Variants in PPL observed in about 807,000 individuals in gnomAD.
PPL encodes the protein periplakin.
Under a neutral mutation model 194.4 loss-of-function variants are expected in PPL, and 198 were observed. The ratio of observed to expected loss-of-function variants is 1.02; its 90% CI spans 0.91 to 1.15. The LOEUF (loss-of-function observed/expected upper bound fraction) is 1.15, where lower values mean the gene tolerates loss of function less well. PPL is among the 50% of genes most tolerant of loss of function. The pLI, the probability that PPL is intolerant of heterozygous loss-of-function variation, is 0.00. For missense variants in PPL, 2,885 were observed against 2,294.8 expected (o/e 1.26, Z -5.25); for synonymous variants, 1,220 against 972.4 (o/e 1.25, Z -4.74).
Position 4,885,700 on chromosome 16 carries a change from G to T in PPL, c.2955C>A (p.Thr985=), listed in dbSNP as rs768419804. 4.3e-6 allele frequency: 7 copies of T among 1,612,944 alleles called. No individual in the cohort carries two copies. Among genetic ancestry groups the T allele is most frequent in the Non-Finnish European group, 5.1e-6 (6 of 1,179,888 alleles). ...QLQLRALEQE[T]RDGGQEYVVK... is the part of the protein sequence containing the mutation. Reference sequence around the variant, plus strand: ...CCACGTACTCCTGCCCCCCGTCTCTGGTCTCCTGCTCCAGGGCACGCAGCT... The same window carrying T: ...CCACGTACTCCTGCCCCCCGTCTCTTGTCTCCTGCTCCAGGGCACGCAGCT... Residue 985 remains threonine, a synonymous_variant, in exon 22 of 22, where the codon ACC becomes ACA. Transcript: ENST00000345988. The surrounding 1 kb of genome is among the most constrained non-coding windows in gnomAD (Gnocchi z 6.3).
intron 1 of PPL, among the ~76,000 whole-genome samples, chr16:4,920,979 T>C (rs545289156): frequency 1.2e-4 from 19 of 152,212 alleles, no homozygotes; most frequent in Middle Eastern, 3.4e-3. Context: ...CAGAACTTGG[T>C]TGGCAGCAGA....
At position 4,884,104 on chromosome 16, in the gene PPL, C is replaced by G; in HGVS notation, c.4551G>C (p.Gln1517His). The G allele has an allele frequency of 6.2e-7, 1 of 1,613,402 alleles. No individual in the cohort carries two copies. Among genetic ancestry groups the G allele is most frequent in the African/African-American group, 1.3e-5 (1 of 74,984 alleles). Residue 1517 changes from glutamine (Q) to histidine (H), a missense_variant, in exon 22 of 22, where the codon CAG becomes CAC. By Grantham distance (24) the Gln-to-His change is conservative. Transcript: ENST00000345988. The surrounding 1 kb of genome is among the most constrained non-coding windows in gnomAD (Gnocchi z 5.7). ...VEKGDTEQEIQRLKSSLEEES... is the reference protein window; with the variant it reads ...VEKGDTEQEIHRLKSSLEEES... Reference sequence around the variant, plus strand: ...CCTCCTCCAGGCTGCTCTTGAGCCTCTGGATCTCTTGCTCGGTGTCGCCCT... The same window carrying G: ...CCTCCTCCAGGCTGCTCTTGAGCCTGTGGATCTCTTGCTCGGTGTCGCCCT...
chr16:4,892,510 G>A (rs963055784), intron 14 of PPL, among the ~76,000 whole-genome samples: 17 of 152,138 alleles, frequency 1.1e-4, no homozygotes, highest in African/African-American at 3.6e-4. Context: ...TAATCTTTGC[G>A]GCAACCCCGG....
chr16:4,887,006 T>C (rs570074869), intron 21 of PPL, 129 bp downstream of exon 21: 6 of 772,562 alleles, frequency 7.8e-6, no homozygotes, highest in East Asian at 2.5e-5. Flanking sequence ...AGTCTTTGCA[T>C]TGGCCCTGCC....
At chr16:4,892,552 G>A (rs1371645376) in intron 14 of PPL, among the ~76,000 whole-genome samples, 1 of 152,206 alleles carries the variant, frequency 6.6e-6, no homozygotes, top group Non-Finnish European at 1.5e-5. Flanking sequence ...CCCAGTCACG[G>A]GTGGGGGTGT....
Position 4,904,043 on chromosome 16 carries a change from G to A in PPL, c.163-3C>T. 1 of 1,610,602 alleles carries A rather than the reference G, an allele frequency of 6.2e-7. No individual in the cohort carries two copies. The highest frequency in any genetic ancestry group is 8.5e-7 in the Non-Finnish European group (1 of 1,179,576). On this transcript the variant is annotated splice_polypyrimidine_tract_variant and splice_region_variant and intron_variant, in intron 2 of 21. Coordinates refer to ENST00000345988, the MANE Select transcript of PPL (RefSeq NM_002705.5). ...CCCTCCTGCAGCCGAGCCAGGTCCT[G>A]TGAGGGTCACAAGAGAGGGGACAAT...
At chr16:4,887,099 C>G in intron 21 of PPL, 36 bp downstream of exon 21, 1 of 1,496,246 alleles carries the variant, frequency 6.7e-7, no homozygotes. Context: ...CCTGTTAGAA[C>G]AGCCTGAAGT....
intron 2 of PPL, among the ~76,000 whole-genome samples, chr16:4,910,170 A>G (rs1192007721): frequency 6.6e-6 from 1 of 152,200 alleles, no homozygotes; most frequent in Admixed American, 6.5e-5. Flanking sequence ...CCCATGTTAC[A>G]GAAAGGGAAA....
At chr16:4,906,605 G>T (rs879878061) in intron 2 of PPL, among the ~76,000 whole-genome samples, 4 of 152,214 alleles carry the variant, frequency 2.6e-5, no homozygotes, top group Non-Finnish European at 5.9e-5. Flanking sequence ...GCAAAAGGAG[G>T]AAGTCCATTA....
At position 4,885,330 on chromosome 16, in the gene PPL, C is replaced by G; in HGVS notation, c.3325G>C (p.Glu1109Gln). Residue 1109 changes from glutamate (E) to glutamine (Q), a missense_variant, in exon 22 of 22, where the codon GAG becomes CAG. By Grantham distance (29) the Glu-to-Gln change is conservative. Transcript: ENST00000345988. This position sits in a 1 kb window ranked among gnomAD's most constrained non-coding sequence, Gnocchi z 6.3. Reference sequence around the variant, plus strand: ...ACCTCCTTGACGGTGATCTTGCCCTCGGCCATGGCCCGCTCCTTCTCTAGC... The same window carrying G: ...ACCTCCTTGACGGTGATCTTGCCCTGGGCCATGGCCCGCTCCTTCTCTAGC... ...KRLEKERAMA[E>Q]GKITVKEVLK... 6.2e-7 allele frequency: 1 copy of G among 1,612,720 alleles called. No individual in the cohort carries two copies.
chr16:4,910,710 G>T, intron 2 of PPL, 140 bp downstream of exon 2: 1 of 753,532 alleles, frequency 1.3e-6, no homozygotes, highest in Non-Finnish European at 2.3e-6. Flanking sequence ...TCCAAGCAGT[G>T]ACAACCAAAA....
intron 1 of PPL, among the ~76,000 whole-genome samples, chr16:4,935,753 G>T (rs961823118): frequency 2.6e-5 from 4 of 152,212 alleles, no homozygotes; most frequent in African/African-American, 7.2e-5. Context: ...CTGTCCGACT[G>T]GTCGGCCTAG....
intron 21 of PPL, 69 bp downstream of exon 21, chr16:4,887,066 T>G: frequency 5.4e-6 from 7 of 1,297,550 alleles, no homozygotes; most frequent in Non-Finnish European, 7.8e-6. Flanking sequence ...ACCATTTCTC[T>G]AAGACAGAGT....
rs142908311 is a variant in PPL at position 4,891,937 on chromosome 16, G to A, written c.1842C>T (p.Ala614=). ...GCTGCAGGCTCTTCTCCAGGCGGTTGGCCACATCAACCCTGAGAGCACCAA... is the reference window on the plus strand; with the variant it reads ...GCTGCAGGCTCTTCTCCAGGCGGTTAGCCACATCAACCCTGAGAGCACCAA... ...LDLAQEKVDV[A]NRLEKSLQQS... The change falls in exon 16 of 22, where the codon GCC becomes GCT. Residue 614 remains alanine, a synonymous_variant. Transcript: ENST00000345988. 1.2e-4 allele frequency: 200 copies of A among 1,613,002 alleles called. 1 individual carries two copies. In the African/African-American group the frequency reaches 2.4e-3, roughly 19 times the overall value.
In PPL at chr16:4,893,606, T is replaced by G; in HGVS notation, c.1427A>C (p.Lys476Thr). ...CAGCGTGCGTTTGCTCCCAGCTGCC[T>G]TCTGCCGCACGCTCCGGTACTGGCT... ...LGSQYRSVRQKAAGSKRTLQQ... is the reference protein window; with the variant it reads ...LGSQYRSVRQTAAGSKRTLQQ... The change falls in exon 13 of 22, where the codon AAG (lysine) becomes ACG (threonine). Residue 476 changes from lysine to threonine, a missense_variant. By Grantham distance (78) the Lys-to-Thr change is moderately conservative. Coordinates refer to ENST00000345988, the MANE Select transcript of PPL (RefSeq NM_002705.5). 6.2e-7 allele frequency: 1 copy of G among 1,608,246 alleles called. No homozygotes were observed. Among genetic ancestry groups the G allele is most frequent in the Non-Finnish European group, 8.5e-7 (1 of 1,178,764 alleles).
At chr16:4,919,072 A>C (rs781253707) in intron 1 of PPL, among the ~76,000 whole-genome samples, 1 of 152,008 alleles carries the variant, frequency 6.6e-6, no homozygotes, top group Non-Finnish European at 1.5e-5. Context: ...CCCCCTCCCC[A>C]CACACACACC....
chr16:4,920,338 AGAGAGAG>A (rs1596580855), intron 1 of PPL, among the ~76,000 whole-genome samples: 4 of 69,482 alleles, frequency 5.8e-5, no homozygotes, highest in South Asian at 5.3e-4. Flanking sequence ...AAAGAAAGAG[AGAGAGAG>A]AGAAAGAAAG....
chr16:4,889,241 G>GGTTTGTTTTTTT (rs1442783436), intron 18 of PPL, among the ~76,000 whole-genome samples, 180 bp from the exon 19 acceptor site: 1 of 66,636 alleles, frequency 1.5e-5, no homozygotes, highest in African/African-American at 7.6e-5. Context: ...TGTTGTTGTT[G>GGTTTGTTTTTTT]TTTTTTTTTT....
intron 12 of PPL, chr16:4,893,861 A>C: frequency 1.8e-6 from 1 of 570,154 alleles, no homozygotes; most frequent in South Asian, 2.2e-5. Flanking sequence ...CACTACCTAA[A>C]ATTGTCTGTC....
Sources: allele counts gnomAD v4.1 joint callset (sites outside exome capture counted in the v4.1 genomes callset), GRCh38; gene constraint gnomAD v4.1.1; non-coding constraint Gnocchi (gnomAD v3.1); transcripts MANE v1.5; gene names NCBI Gene and HGNC (gene_info 2026-07-23, HGNC 2026-07-21).